SPATC1L: variants seen among roughly 807,000 people sequenced by gnomAD.
The protein encoded by SPATC1L is spermatogenesis and centriole associated 1 like.
A neutral mutation model predicts 21.2 loss-of-function variants in SPATC1L; 20 were observed. The observed-to-expected ratio is 0.94, with a 90% confidence interval of 0.66 to 1.37. SPATC1L has a LOEUF of 1.37. Ranked by LOEUF, SPATC1L falls within the 40% of genes most tolerant of loss-of-function variation. The pLI, the probability that SPATC1L is intolerant of heterozygous loss-of-function variation, is 0.00. For synonymous variants in SPATC1L, 290 were observed against 234.5 expected, an observed-to-expected ratio of 1.24 and a Z score of -2.16; for missense variants, 499 against 478.7, an observed-to-expected ratio of 1.04 and a Z score of -0.40.
intron 2 of SPATC1L, among the ~76,000 whole-genome samples, chr21:46,177,540 A>G (rs1445917618): frequency 6.6e-6 from 1 of 152,256 alleles, no homozygotes; most frequent in Non-Finnish European, 1.5e-5. Context: ...AATGTAAATA[A>G]AAACCACAAT....
Position 46,161,550 on chromosome 21 carries a change from G to T in SPATC1L, c.852C>A (p.Ile284=). 2 of 1,610,774 alleles carry T rather than the reference G, an allele frequency of 1.2e-6. No individual in the cohort carries two copies. Among genetic ancestry groups the T allele is most frequent in the Non-Finnish European group, 1.7e-6 (2 of 1,179,070 alleles). The change falls in exon 5 of 5, where the codon ATC becomes ATA. Residue 284 remains isoleucine, a synonymous_variant. Coordinates refer to ENST00000291672, the MANE Select transcript of SPATC1L (RefSeq NM_001142854.2). ...CGCGCAGGTCGGGCCGCTGCTTCAG[G>T]ATTCCGTAGGTGTTGATGAGGAACT... ...FSEFLINTYG[I]LKQRPDLRAN... is the part of the protein sequence containing the mutation.
chr21:46,181,361 C>T lies in SPATC1L; in HGVS notation c.193+1263G>A, dbSNP rs1039472684. On this transcript the variant is annotated intron_variant, in intron 2 of 4. Coordinates refer to ENST00000291672, the MANE Select transcript of SPATC1L (RefSeq NM_001142854.2). ...CCAGGTTCCCCAGCCACACTGTCCC[C>T]GCACATCCTGGCGAGGTGCTCTCCT... Among the ~76,000 whole-genome samples the T allele has an allele frequency of 2.0e-5, 3 of 152,186 alleles. No individual in the cohort carries two copies. In the East Asian group the frequency reaches 5.8e-4, roughly 29 times the overall value.
intron 2 of SPATC1L, among the ~76,000 whole-genome samples, chr21:46,180,603 G>A (rs2079664998): frequency 6.6e-6 from 1 of 152,228 alleles, no homozygotes; most frequent in African/African-American, 2.4e-5. Flanking sequence ...CAGAAGCTCA[G>A]TGCTGGTCTT....
chr21:46,162,590 C>CTTTTTTTTTTTTTTTTTTTTT (rs3057184), intron 3 of SPATC1L, among the ~76,000 whole-genome samples: 3 of 133,394 alleles, frequency 2.2e-5, no homozygotes, highest in Non-Finnish European at 3.1e-5. Flanking sequence ...GTTGGCAGGA[C>CTTTTTTTTTTTTTTTTTTTTT]TTTTTTTTTT....
chr21:46,171,881 A>G (rs2079592949), intron 2 of SPATC1L, among the ~76,000 whole-genome samples: 5 of 148,152 alleles, frequency 3.4e-5, no homozygotes, highest in South Asian at 4.5e-4. Context: ...AAGATGCTCA[A>G]TTAGGTTTCA....
intron 2 of SPATC1L, among the ~76,000 whole-genome samples, chr21:46,181,010 GA>G: frequency 6.6e-6 from 1 of 152,362 alleles, no homozygotes; most frequent in Admixed American, 6.5e-5. Context: ...GGCAAGGGTT[GA>G]GGGTCTGCCC....
intron 1 of SPATC1L, among the ~76,000 whole-genome samples, 164 bp from the exon 2 acceptor site, chr21:46,183,938 G>C (rs1216578131): frequency 1.3e-4 from 19 of 145,752 alleles, no homozygotes; most frequent in Admixed American, 7.4e-4. Flanking sequence ...CCAGCCTTGT[G>C]GGGGAGACCA....
At chr21:46,164,038 C>T (rs953418931) in intron 3 of SPATC1L, among the ~76,000 whole-genome samples, 5 of 152,126 alleles carry the variant, frequency 3.3e-5, no homozygotes, top group Admixed American at 2.0e-4. Context: ...GAAAGGGTCT[C>T]GCTCTGTCAC....
Position 46,182,846 on chromosome 21 carries a change from G to A in SPATC1L, c.-30C>T, listed in dbSNP as rs2079686975. 6.0e-6 allele frequency: 9 copies of A among 1,490,942 alleles called. No individual in the cohort carries two copies. Among genetic ancestry groups the A allele is most frequent in the African/African-American group, 1.4e-5 (1 of 71,692 alleles). 92.4% of individuals were successfully genotyped at this position (1,490,942 alleles called of 1,614,324 possible). ...GGTGCGTCCCTCCTTGTCCCTCACG[G>A]CTCCTGCAGCCCCATGGAGGTGGGA... On this transcript the variant is annotated 5_prime_UTR_variant, in exon 2 of 5. Transcript: ENST00000291672.
At chr21:46,178,255 A>C (rs1366636674) in intron 2 of SPATC1L, among the ~76,000 whole-genome samples, 5 of 151,456 alleles carry the variant, frequency 3.3e-5, no homozygotes, top group Admixed American at 6.6e-5. Flanking sequence ...AAAAAAAAAA[A>C]ACCAGAATGA....
intron 3 of SPATC1L, among the ~76,000 whole-genome samples, chr21:46,166,991 T>A (rs1319167480): frequency 6.6e-6 from 1 of 152,224 alleles, no homozygotes; most frequent in Non-Finnish European, 1.5e-5. Flanking sequence ...CATTAGCACA[T>A]GGATCATTCT....
At chr21:46,177,954 C>T (rs1325239576) in intron 2 of SPATC1L, among the ~76,000 whole-genome samples, 1 of 152,154 alleles carries the variant, frequency 6.6e-6, no homozygotes. Context: ...AAGAGATCAG[C>T]CGGGAGCAGT....
At chr21:46,178,611 G>A (rs926067356) in intron 2 of SPATC1L, among the ~76,000 whole-genome samples, 2 of 152,184 alleles carry the variant, frequency 1.3e-5, no homozygotes, top group African/African-American at 4.8e-5. Flanking sequence ...ACATGGCCAG[G>A]TGCAGTGGTT....
chr21:46,161,633 G>C lies in SPATC1L; in HGVS notation c.769C>G (p.Leu257Val), dbSNP rs767646656. 2.5e-6 allele frequency: 4 copies of C among 1,610,294 alleles called. No individual in the cohort carries two copies. The highest frequency in any genetic ancestry group is 3.4e-6 in the Non-Finnish European group (4 of 1,179,090). ...LRELTQRYLA[L>V]SARLEKLGYS... ...CCCAGCTTCTCCAGGCGCGCGCTCAGGGCCAGGTAGCGCTGCGTCAGCTCG... is the reference window on the plus strand; with the variant it reads ...CCCAGCTTCTCCAGGCGCGCGCTCACGGCCAGGTAGCGCTGCGTCAGCTCG... Residue 257 changes from leucine (L) to valine (V), a missense_variant, in exon 5 of 5, where the codon CTG becomes GTG. Leu to Val is a conservative substitution (Grantham distance 32, BLOSUM62 1). Transcript: ENST00000291672.
At position 46,183,147 on chromosome 21, in the gene SPATC1L, A is replaced by C; in HGVS notation, c.-331T>G. 2.9e-6 allele frequency: 1 copy of C among 341,792 alleles called. No homozygotes were observed. Among genetic ancestry groups the C allele is most frequent in the Non-Finnish European group, 5.3e-6 (1 of 187,192 alleles). 21.2% of individuals were successfully genotyped at this position (341,792 alleles called of 1,614,324 possible). On this transcript the variant is annotated 5_prime_UTR_variant, in exon 2 of 5. Transcript: ENST00000291672. ...GTACTCCAAGAGGGGCGTCCAAGCC[A>C]CTCCCCATTGAGCGGCCCAGCCAGG...
In SPATC1L at chr21:46,182,860, A is replaced by G. The variant is rs560379686; in HGVS notation, c.-44T>C. 184 of 1,462,852 alleles carry G rather than the reference A, an allele frequency of 1.3e-4. No individual in the cohort carries two copies. In the African/African-American group the frequency reaches 2.2e-3, roughly 18 times the overall value. 90.6% of individuals were successfully genotyped at this position (1,462,852 alleles called of 1,614,324 possible). ...TGTCCCTCACGGCTCCTGCAGCCCCATGGAGGTGGGAGCCCAGAGCCCGCA... is the reference window on the plus strand; with the variant it reads ...TGTCCCTCACGGCTCCTGCAGCCCCGTGGAGGTGGGAGCCCAGAGCCCGCA... On this transcript the variant is annotated 5_prime_UTR_variant, in exon 2 of 5. The change abolishes an upstream ATG in the 5' untranslated region. Coordinates refer to ENST00000291672, the MANE Select transcript of SPATC1L (RefSeq NM_001142854.2).
chr21:46,161,333 G>T lies in SPATC1L; in HGVS notation c.*46C>A. On this transcript the variant is annotated 3_prime_UTR_variant, in exon 5 of 5. Coordinates refer to ENST00000291672, the MANE Select transcript of SPATC1L (RefSeq NM_001142854.2). ...GCAGGAGGCACCGCGGCCCCGGGTT[G>T]GAACAAACGCGTTTACTGCAGGCAA... 1 of 1,456,234 alleles carries T rather than the reference G, an allele frequency of 6.9e-7. No homozygotes were observed. The highest frequency in any genetic ancestry group is 9.0e-7 in the Non-Finnish European group (1 of 1,107,588). 90.2% of individuals were successfully genotyped at this position (1,456,234 alleles called of 1,614,324 possible).
chr21:46,182,573 G>C, intron 2 of SPATC1L, 51 bp downstream of exon 2: 1 of 1,411,138 alleles, frequency 7.1e-7, no homozygotes, highest in Non-Finnish European at 9.2e-7. Flanking sequence ...GGGAGCAGGC[G>C]TCCCGCGACC....
chr21:46,164,048 C>T (rs987934912), intron 3 of SPATC1L, among the ~76,000 whole-genome samples: 4 of 152,156 alleles, frequency 2.6e-5, no homozygotes, highest in Non-Finnish European at 5.9e-5. Context: ...CGCTCTGTCA[C>T]CCAAGCTGGA....
Sources: gnomAD v4.1 joint callset for allele counts (sites outside exome capture counted in the v4.1 genomes callset) on GRCh38, gnomAD v4.1.1 for gene constraint, MANE v1.5 for transcripts, NCBI Gene and HGNC (gene_info 2026-07-23, HGNC 2026-07-21) for gene names.